Variants in PPP4R2 observed in about 807,000 individuals in gnomAD.
PPP4R2 encodes protein phosphatase 4 regulatory subunit 2.
A neutral mutation model predicts 47.2 loss-of-function variants in PPP4R2; 13 were observed. That is an observed-to-expected ratio of 0.28 (90% CI 0.18 to 0.44). The LOEUF (loss-of-function observed/expected upper bound fraction) is 0.44. Among genes scored for constraint, PPP4R2 ranks in the 20% least tolerant of loss-of-function variants. The probability of loss-of-function intolerance (pLI) is 1.00; values close to 1 mark genes in which losing one functional copy is unlikely to be tolerated. For synonymous variants in PPP4R2, 151 were observed against 163.3 expected (o/e 0.92, Z 0.57); for missense variants, 421 against 491.2 (o/e 0.86, Z 1.35).
intron 3 of PPP4R2, among the ~76,000 whole-genome samples, chr3:73,047,758 TTCTC>T (rs1176545366): frequency 1.6e-4 from 24 of 152,232 alleles, no homozygotes; most frequent in Non-Finnish European, 2.8e-4. Context: ...GAGTCATCAT[TTCTC>T]TCCTAAGTAA....
At chr3:73,013,553 A>G (rs1701766395) in intron 2 of PPP4R2, among the ~76,000 whole-genome samples, 2 of 152,134 alleles carry the variant, frequency 1.3e-5, no homozygotes, top group South Asian at 2.1e-4. Flanking sequence ...TTCTGTACAC[A>G]TAAGTGTATG....
intron 2 of PPP4R2, among the ~76,000 whole-genome samples, chr3:73,001,552 C>T (rs866342967): frequency 3.3e-4 from 50 of 152,310 alleles, no homozygotes; most frequent in African/African-American, 1.2e-3. Flanking sequence ...CCAGTCTGGG[C>T]AACAGAGTAA....
At position 72,997,460 on chromosome 3, in the gene PPP4R2, CG is replaced by C. The variant is rs375948119; in HGVS notation, c.34+394del. The C allele has an allele frequency of 2.7e-4, 39 of 142,130 alleles. 1 individual carries two copies. The highest frequency in any genetic ancestry group is 1.0e-3 in the African/African-American group (37 of 36,806). 8.8% of individuals were successfully genotyped at this position (142,130 alleles called of 1,614,324 possible). A position where few individuals can be genotyped will look rare whatever the true frequency, so the allele number is the denominator to read the frequency against. On this transcript the variant is annotated intron_variant, in intron 1 of 8. Transcript: ENST00000356692. ...AGAAAAAGTAAACGGTTGGTGGGGG[CG>C]GGGGTAGGGGGTAGCATCGCAACTT...
At chr3:73,052,174 A>C (rs1208661682) in intron 3 of PPP4R2, among the ~76,000 whole-genome samples, 1 of 151,970 alleles carries the variant, frequency 6.6e-6, no homozygotes, top group East Asian at 1.9e-4. Flanking sequence ...AAAAGAATAA[A>C]AGTATATTTA....
upstream of PPP4R2, chr3:72,996,793 T>G (rs911227270): frequency 5.2e-5 from 19 of 364,958 alleles, no homozygotes; most frequent in Middle Eastern, 6.8e-4. Context: ...GCAGGGAGCG[T>G]GCGCGCGGTG....
intron 1 of PPP4R2, 24 bp from the exon 2 acceptor site, chr3:72,998,053 G>GTTTT: frequency 2.7e-6 from 4 of 1,496,854 alleles, no homozygotes; most frequent in Admixed American, 3.5e-5. Context: ...AACTGATAAC[G>GTTTT]TTTTTTTTTC....
intron 2 of PPP4R2, among the ~76,000 whole-genome samples, chr3:73,045,928 C>T (rs2107307836): frequency 6.6e-6 from 1 of 152,252 alleles, no homozygotes; most frequent in East Asian, 1.9e-4. Flanking sequence ...TTGAGAATCT[C>T]ATACCTCTTT....
rs1356401572 is a variant in PPP4R2, at chr3:73,067,548, T to C, written c.*1826T>C. 6.6e-6 allele frequency: 1 copy of C among 152,172 alleles called. No homozygotes were observed. Among genetic ancestry groups the C allele is most frequent in the African/African-American group, 2.4e-5 (1 of 41,442 alleles). The allele number at this position is 152,172 out of a possible 1,614,324, so 9.4% of individuals were successfully genotyped here. A position where few individuals can be genotyped will look rare whatever the true frequency, so the allele number is the denominator to read the frequency against. ...CCCAAGAGGGGAGAAAAATTAACCA[T>C]TGTAAATTTTTAAAAAATTTTTCAA... On this transcript the variant is annotated 3_prime_UTR_variant, in exon 9 of 9. Coordinates refer to ENST00000356692, the MANE Select transcript of PPP4R2 (RefSeq NM_174907.4).
At chr3:73,045,353 C>G (rs1346553513) in intron 2 of PPP4R2, among the ~76,000 whole-genome samples, 3 of 151,926 alleles carry the variant, frequency 2.0e-5, no homozygotes, top group Non-Finnish European at 4.4e-5. Context: ...TATTTTGGGA[C>G]TATATCAGGA....
At chr3:73,004,955 G>T (rs867285477) in intron 2 of PPP4R2, among the ~76,000 whole-genome samples, 2 of 133,572 alleles carry the variant, frequency 1.5e-5, no homozygotes, top group African/African-American at 6.7e-5. Context: ...GTGTGTGTGT[G>T]TGTGTGTGTG....
rs67945272 is a variant in PPP4R2 at position 73,004,944 on chromosome 3, CGTGTGTGTGTGTGTGT to C, written c.116+6817_116+6832del. 5.5e-3 allele frequency among the ~76,000 whole-genome samples: 646 copies of C among 117,038 alleles called. 4 individuals carry two copies. Among genetic ancestry groups the C allele is most frequent in the African/African-American group, 0.018 (551 of 29,900 alleles). The allele number at this position is 117,038 out of a possible 152,430, so 76.8% of individuals were successfully genotyped here. ...GTGTTTGTGTGTTTTGAGTCGGAGT[CGTGTGTGTGTGTGTGT>C]GTGTGTGTGTGTGTGTGTGTGTGTG... is the stretch of plus-strand genomic sequence containing the variant. On this transcript the variant is annotated intron_variant, in intron 2 of 8. Coordinates refer to ENST00000356692, the MANE Select transcript of PPP4R2 (RefSeq NM_174907.4).
At chr3:73,059,188 A>G (rs1478126219) in intron 4 of PPP4R2, 58 bp downstream of exon 4, 6 of 855,120 alleles carry the variant, frequency 7.0e-6, no homozygotes. Flanking sequence ...TTTATTTTAG[A>G]AAAGAACATT....
intron 2 of PPP4R2, among the ~76,000 whole-genome samples, chr3:73,037,743 CT>C (rs1251950798): frequency 1.3e-5 from 2 of 152,182 alleles, no homozygotes; most frequent in African/African-American, 4.8e-5. Context: ...AAAGTTCCAA[CT>C]TTGTCCTGAG....
At chr3:73,003,246 CTG>C (rs1305553841) in intron 2 of PPP4R2, among the ~76,000 whole-genome samples, 3 of 149,172 alleles carry the variant, frequency 2.0e-5, no homozygotes, top group Admixed American at 6.7e-5. Flanking sequence ...GAGTCTCACT[CTG>C]TTGCCCAGGC....
intron 2 of PPP4R2, among the ~76,000 whole-genome samples, chr3:73,028,127 C>T (rs915693963): frequency 5.3e-5 from 8 of 151,534 alleles, no homozygotes; most frequent in Non-Finnish European, 1.2e-4. Context: ...CGTGGTGGCA[C>T]ACGCCTGTCA....
At chr3:73,012,334 C>CT (rs1181233004) in intron 2 of PPP4R2, among the ~76,000 whole-genome samples, 4 of 152,084 alleles carry the variant, frequency 2.6e-5, no homozygotes, top group African/African-American at 7.2e-5. Flanking sequence ...GAGTCTTGCT[C>CT]TGTCACCCAG....
At chr3:73,004,203 T>C (rs1575836881) in intron 2 of PPP4R2, among the ~76,000 whole-genome samples, 1 of 151,768 alleles carries the variant, frequency 6.6e-6, no homozygotes, top group Non-Finnish European at 1.5e-5. Flanking sequence ...TTTGCCCCCC[T>C]TTTTATTTCC....
chr3:73,025,207 A>G (rs765306850), intron 2 of PPP4R2, among the ~76,000 whole-genome samples: 13 of 152,188 alleles, frequency 8.5e-5, no homozygotes, highest in Non-Finnish European at 1.3e-4. Context: ...ACCAGCATAT[A>G]TGTGTATACA....
Position 73,023,798 on chromosome 3 carries a change from G to GA in PPP4R2, c.117-23385dup, listed in dbSNP as rs1448104192. On this transcript the variant is annotated intron_variant, in intron 2 of 8. Coordinates refer to ENST00000356692, the MANE Select transcript of PPP4R2 (RefSeq NM_174907.4). ...TTTTTAAAAAGTCACCGTGAAAAAT[G>GA]AAAGTATACTTGAGCAAACCTTTGT... is the stretch of plus-strand genomic sequence containing the variant. 2.6e-5 allele frequency among the ~76,000 whole-genome samples: 4 copies of GA among 152,106 alleles called. No homozygotes were observed. In the East Asian group the frequency reaches 7.7e-4, roughly 29 times the overall value.
Sources: allele counts gnomAD v4.1 joint callset (sites outside exome capture counted in the v4.1 genomes callset), GRCh38; gene constraint gnomAD v4.1.1; transcripts MANE v1.5; gene names NCBI Gene and HGNC (gene_info 2026-07-23, HGNC 2026-07-21).